Variants in AGAP3 observed in about 807,000 individuals in gnomAD.
AGAP3 encodes ArfGAP with GTPase domain, ankyrin repeat and PH domain 3.
In AGAP3, 24 loss-of-function variants were observed where a neutral mutation model predicts 96.9. The observed-to-expected ratio is 0.25, with a 90% CI of 0.18 to 0.35. The LOEUF is 0.35. AGAP3 is among the 10% of genes least tolerant of loss of function. AGAP3 has a pLI of 1.00. For missense variants in AGAP3, 876 were observed against 1,254.2 expected (o/e 0.70, Z 4.55); for synonymous variants, 563 against 536.1 (o/e 1.05, Z -0.69).
chr7:151,088,530 C>G lies in AGAP3; in HGVS notation c.331+1458C>G, dbSNP rs114381920. 6.6e-3 allele frequency among the ~76,000 whole-genome samples: 1,001 copies of G among 152,324 alleles called. 10 individuals are homozygous for G. Among genetic ancestry groups the G allele is most frequent in the African/African-American group, 0.023 (963 of 41,566 alleles). On this transcript the variant is annotated intron_variant, in intron 1 of 17. Coordinates refer to ENST00000397238, the MANE Select transcript of AGAP3 (RefSeq NM_031946.7). ...AAGAGGGTGGAGGCGGGAGAGACAT[C>G]GTTGCTGCAGCTTCACTGTCCTTGG...
chr7:151,134,442 C>T lies in AGAP3; in HGVS notation c.1369C>T (p.Arg457Trp), dbSNP rs775997147. 21 of 1,613,428 alleles carry T rather than the reference C, an allele frequency of 1.3e-5. No homozygotes were observed. Among genetic ancestry groups the T allele is most frequent in the South Asian group, 2.2e-5 (2 of 91,086 alleles). ...NIHGKEIDLL[R>W]TTVKVPGKRL... ...CCACGGCAAGGAGATTGACCTGCTGCGGACAACGGTGAAAGTGCCAGGGAA... is the reference window on the plus strand; with the variant it reads ...CCACGGCAAGGAGATTGACCTGCTGTGGACAACGGTGAAAGTGCCAGGGAA... The change falls in exon 11 of 18, where the codon CGG (arginine) becomes TGG (tryptophan). Residue 457 changes from arginine (R) to tryptophan (W), a missense_variant. By Grantham distance (101) the Arg-to-Trp change is moderately radical. Transcript: ENST00000397238.
At chr7:151,126,104 C>T (rs1281311137) in intron 9 of AGAP3, among the ~76,000 whole-genome samples, 18 of 144,652 alleles carry the variant, frequency 1.2e-4, no homozygotes, top group African/African-American at 4.2e-4. Context: ...GCCCGCGCCC[C>T]CGGCTAACGA....
At chr7:151,115,355 C>T (rs1177583430) in intron 1 of AGAP3, 14 of 1,022,432 alleles carry the variant, frequency 1.4e-5, no homozygotes, top group East Asian at 8.3e-5. Context: ...TCCGCCTGCG[C>T]CGCGGCCAGG....
Position 151,143,787 on chromosome 7 carries a change from A to G in AGAP3, c.2580A>G (p.Ala860=). 6 of 1,614,108 alleles carry G rather than the reference A, an allele frequency of 3.7e-6. No homozygotes were observed. The highest frequency in any genetic ancestry group is 5.1e-6 in the Non-Finnish European group (6 of 1,180,034). The change falls in exon 18 of 18, where the codon GCA becomes GCG. Residue 860 remains alanine (A), a synonymous_variant. Transcript: ENST00000397238. This position sits in a 1 kb window ranked among gnomAD's most constrained non-coding sequence, Gnocchi z 5.9. ...ACGCCCGGGGCCTGACTCCACTGGC[A>G]TATGCTCGCCGGGCCGGCAGCCAGG... ...SRDARGLTPL[A]YARRAGSQEC... is the part of the protein sequence containing the mutation.
intron 2 of AGAP3, 94 bp downstream of exon 2, chr7:151,116,945 C>T: frequency 6.4e-7 from 1 of 1,552,940 alleles, no homozygotes; most frequent in Admixed American, 1.7e-5. Flanking sequence ...GGCTTCTGTC[C>T]CCTTCTCTGC....
intron 10 of AGAP3, 50 bp downstream of exon 10, chr7:151,128,734 G>A: frequency 6.7e-7 from 1 of 1,496,482 alleles, no homozygotes; most frequent in East Asian, 2.3e-5. Context: ...AGGGGGTGGA[G>A]GGAGGATAAC....
Position 151,138,218 on chromosome 7 carries a change from G to A in AGAP3, c.1571G>A (p.Arg524His), listed in dbSNP as rs925378481. 18 of 1,611,900 alleles carry A rather than the reference G, an allele frequency of 1.1e-5. No homozygotes were observed. Among genetic ancestry groups the A allele is most frequent in the Non-Finnish European group, 6.8e-6 (8 of 1,179,542 alleles). ...PLSSSAWAGP[R>H]PEGLHQRSCS... ...AGCAGCTCGGCCTGGGCTGGCCCGC[G>A]CCCTGAGGGGCTGCACCAGCGCTCC... The change falls in exon 12 of 18, where the codon CGC (arginine) becomes CAC (histidine). Residue 524 changes from arginine (R) to histidine (H), a missense_variant. Physicochemically the swap from Arg to His is conservative, Grantham distance 29 (BLOSUM62 0). Transcript: ENST00000397238.
rs61741392 is a variant in AGAP3, at chr7:151,118,618, G to C, written c.955G>C (p.Val319Leu). The stretch of plus-strand genomic sequence containing the variant: ...CGTGTCCGCCGCCTCCATCCCGGCC[G>C]TGCACATCAACCAGGTTCGGCCTGT... ...SAVSAASIPA[V>L]HINQATNGGG... is the part of the protein sequence containing the mutation. The change falls in exon 7 of 18, where the codon GTG becomes CTG. Residue 319 changes from valine to leucine, a missense_variant. Coordinates refer to ENST00000397238, the MANE Select transcript of AGAP3 (RefSeq NM_031946.7). This position sits in a 1 kb window ranked among gnomAD's most constrained non-coding sequence, Gnocchi z 6.1. The C allele has an allele frequency of 6.2e-7, 1 of 1,613,288 alleles. No individual in the cohort carries two copies. The highest frequency in any genetic ancestry group is 8.5e-7 in the Non-Finnish European group (1 of 1,179,962).
At chr7:151,115,698 G>A (rs907588728) in intron 1 of AGAP3, 24 of 1,068,650 alleles carry the variant, frequency 2.2e-5, no homozygotes, top group Non-Finnish European at 2.5e-5. Context: ...GAGAAAAGCC[G>A]GACGCGCCCA....
chr7:151,098,734 T>C lies in AGAP3; in HGVS notation c.331+11662T>C, dbSNP rs1369692438. ...TCCTCTTTGATTCAATTTTCTTTTCTTTTTTTTTTTTTTTTTTTGAGACAG... is the reference window on the plus strand; with the variant it reads ...TCCTCTTTGATTCAATTTTCTTTTCCTTTTTTTTTTTTTTTTTTGAGACAG... On this transcript the variant is annotated intron_variant, in intron 1 of 17. Transcript: ENST00000397238. 7.6e-5 allele frequency among the ~76,000 whole-genome samples: 3 copies of C among 39,570 alleles called. No homozygotes were observed. The South Asian group carries it at 2.0e-3, about 27-fold the overall frequency. The allele number at this position is 39,570 out of a possible 152,430, so 26.0% of individuals were successfully genotyped here.
intron 4 of AGAP3, 87 bp from the exon 5 acceptor site, chr7:151,117,549 G>A: frequency 6.2e-7 from 1 of 1,612,380 alleles, no homozygotes; most frequent in Non-Finnish European, 8.5e-7. Context: ...GTATGTCCAG[G>A]GAGAAGGGTC....
chr7:151,115,432 A>G, intron 1 of AGAP3: 2 of 1,009,752 alleles, frequency 2.0e-6, no homozygotes, highest in Non-Finnish European at 2.4e-6. Flanking sequence ...AGCGACGGCG[A>G]CGCCGGCTCC....
intron 1 of AGAP3, among the ~76,000 whole-genome samples, chr7:151,092,109 G>A (rs1025041363): frequency 1.3e-5 from 2 of 152,166 alleles, no homozygotes; most frequent in African/African-American, 4.8e-5. Flanking sequence ...GAGTTGGTGC[G>A]TCATTCTGCG....
Position 151,139,405 on chromosome 7 carries a change from G to C in AGAP3, c.1667-574G>C, listed in dbSNP as rs1352657877. ...CCAGGGGCCCTTCCCTTGGGTCACCGGTCCGGTGGCCTGTGCTGGCCTGCG... is the reference window on the plus strand; with the variant it reads ...CCAGGGGCCCTTCCCTTGGGTCACCCGTCCGGTGGCCTGTGCTGGCCTGCG... On this transcript the variant is annotated intron_variant, in intron 12 of 17. Transcript: ENST00000397238. The surrounding 1 kb of genome is among the most constrained non-coding windows in gnomAD (Gnocchi z 4.9). Among the ~76,000 whole-genome samples the C allele has an allele frequency of 1.3e-5, 2 of 152,214 alleles. No homozygotes were observed. The highest frequency in any genetic ancestry group is 2.4e-5 in the African/African-American group (1 of 41,460).
chr7:151,117,387 G>A lies in AGAP3; in HGVS notation c.495G>A (p.Lys165=). ...CTGTCCTAGGGGGGCGGTTTAAGAA[G>A]GAGATTGTGGTGGATGGCCAGAGTT... ...EESPEGGRFK[K]EIVVDGQSYL... Residue 165 remains lysine (K), a synonymous_variant, in exon 4 of 18, where the codon AAG becomes AAA. Transcript: ENST00000397238. 1 of 1,614,232 alleles carries A rather than the reference G, an allele frequency of 6.2e-7. No homozygotes were observed. Among genetic ancestry groups the A allele is most frequent in the Non-Finnish European group, 8.5e-7 (1 of 1,180,030 alleles).
chr7:151,137,217 C>T (rs1800631154), intron 11 of AGAP3, among the ~76,000 whole-genome samples: 1 of 152,270 alleles, frequency 6.6e-6, no homozygotes, highest in African/African-American at 2.4e-5. Context: ...CCTGCCCTTC[C>T]CCTGGCTGGG....
At position 151,117,396 on chromosome 7, in the gene AGAP3, G is replaced by A. The variant is rs1563473290; in HGVS notation, c.504G>A (p.Val168=). ...GGGGGCGGTTTAAGAAGGAGATTGT[G>A]GTGGATGGCCAGAGTTACCTGCTGC... ...PEGGRFKKEI[V]VDGQSYLLLI... Residue 168 remains valine, a synonymous_variant, in exon 4 of 18, where the codon GTG becomes GTA. Coordinates refer to ENST00000397238, the MANE Select transcript of AGAP3 (RefSeq NM_031946.7). The A allele has an allele frequency of 3.1e-6, 5 of 1,614,234 alleles. No individual in the cohort carries two copies. In the African/African-American group the frequency reaches 4.0e-5, roughly 13 times the overall value.
chr7:151,137,875 CTGA>C (rs1353038355), intron 11 of AGAP3: 6 of 501,086 alleles, frequency 1.2e-5, no homozygotes, highest in Non-Finnish European at 1.8e-5. Context: ...TGGAAGATCT[CTGA>C]TGCAGAGACC....
At chr7:151,121,088 G>C (rs921589474) in intron 8 of AGAP3, 2 of 161,690 alleles carry the variant, frequency 1.2e-5, no homozygotes, top group Non-Finnish European at 2.7e-5. Flanking sequence ...AGCCAGGCCA[G>C]ATCTCCGGAC....
Sources: allele counts gnomAD v4.1 joint callset (sites outside exome capture counted in the v4.1 genomes callset), GRCh38; gene constraint gnomAD v4.1.1; non-coding constraint Gnocchi (gnomAD v3.1); transcripts MANE v1.5; gene names NCBI Gene and HGNC (gene_info 2026-07-23, HGNC 2026-07-21).